Variants in SOX5 observed in about 807,000 individuals in gnomAD.
SOX5 encodes transcription factor SOX-5.
SOX5 carries 9 observed loss-of-function variants against 92.0 expected under a neutral mutation model. That is an observed-to-expected ratio of 0.10 (90% CI 0.06 to 0.17). SOX5 has a LOEUF of 0.17. Ranked by LOEUF, SOX5 falls within the 10% of genes least tolerant of loss-of-function variation. SOX5 has a pLI of 1.00. For missense variants in SOX5, 642 were observed against 944.5 expected, an observed-to-expected ratio of 0.68 and a Z score of 4.20; for synonymous variants, 344 against 336.3, an observed-to-expected ratio of 1.02 and a Z score of -0.25.
rs1190475832 is a variant in SOX5 at position 23,853,110 on chromosome 12, TTATATATATATATACA to T, written c.271-6933_271-6918del. Among the ~76,000 whole-genome samples the T allele has an allele frequency of 4.1e-5, 6 of 147,560 alleles. 1 individual carries two copies. The highest frequency in any genetic ancestry group is 9.0e-5 in the Non-Finnish European group (6 of 66,814). ...AGAAGAGTCAGCACACATGCAAAAA[TTATATATATATATACA>T]TATATATATATATACACACACATAT... On this transcript the variant is annotated intron_variant, in intron 2 of 14. Coordinates refer to ENST00000451604, the MANE Select transcript of SOX5 (RefSeq NM_006940.6).
chr12:23,933,510 G>A (rs896509815), intron 1 of SOX5, among the ~76,000 whole-genome samples: 1 of 151,596 alleles, frequency 6.6e-6, no homozygotes, highest in African/African-American at 2.4e-5. Context: ...AATAAATCAT[G>A]AGAAAGCATG....
chr12:23,582,589 A>G (rs1051102126), intron 9 of SOX5, among the ~76,000 whole-genome samples: 1 of 152,096 alleles, frequency 6.6e-6, no homozygotes, highest in Non-Finnish European at 1.5e-5. Flanking sequence ...TAGACTTACA[A>G]ATTGCAAAAT....
intron 10 of SOX5, among the ~76,000 whole-genome samples, chr12:23,564,270 T>C (rs138154716): frequency 2.6e-5 from 4 of 152,336 alleles, no homozygotes; most frequent in Non-Finnish European, 5.9e-5. Flanking sequence ...TGATGCATAT[T>C]AGTACGATGA....
chr12:23,776,193 A>T lies in SOX5; in HGVS notation c.482-20469T>A, dbSNP rs549457259. On this transcript the variant is annotated intron_variant, in intron 3 of 14. Coordinates refer to ENST00000451604, the MANE Select transcript of SOX5 (RefSeq NM_006940.6). ...TAGTGATAACATTTCCATTGAAAAC[A>T]TTATCTTTTTTTGACCAATTAAGTT... 2.6e-5 allele frequency among the ~76,000 whole-genome samples: 4 copies of T among 152,338 alleles called. No individual in the cohort carries two copies. In the East Asian group the frequency reaches 7.7e-4, roughly 29 times the overall value.
chr12:24,502,738 G>A (rs761308529), intron 1 of SOX5, among the ~76,000 whole-genome samples: 1 of 152,086 alleles, frequency 6.6e-6, no homozygotes, highest in East Asian at 1.9e-4. Context: ...GTAAATTTAC[G>A]GTGGGGAAAT....
At chr12:23,617,644 A>G (rs1191291277) in intron 8 of SOX5, among the ~76,000 whole-genome samples, 3 of 152,208 alleles carry the variant, frequency 2.0e-5, no homozygotes, top group Non-Finnish European at 4.4e-5. Flanking sequence ...TTAAATCTTA[A>G]GACCTTTTTC....
chr12:24,250,813 C>T (rs1284005075), intron 3 of SOX5, among the ~76,000 whole-genome samples: 2 of 152,126 alleles, frequency 1.3e-5, no homozygotes, highest in Admixed American at 6.6e-5. Flanking sequence ...TAAAATTAAA[C>T]GCCCTACCTT....
intron 4 of SOX5, among the ~76,000 whole-genome samples, chr12:23,998,232 C>T (rs1227670719): frequency 6.6e-6 from 1 of 151,706 alleles, no homozygotes; most frequent in Non-Finnish European, 1.5e-5. Context: ...AAACATACAT[C>T]AATACAAAGA....
intron 4 of SOX5, among the ~76,000 whole-genome samples, chr12:24,071,221 T>C (rs1440376411): frequency 6.6e-6 from 1 of 152,190 alleles, no homozygotes; most frequent in Non-Finnish European, 1.5e-5. Context: ...GCTTAAAAAT[T>C]AAATGCTCAC....
At chr12:23,625,118 T>C (rs1592695565) in intron 8 of SOX5, among the ~76,000 whole-genome samples, 1 of 152,214 alleles carries the variant, frequency 6.6e-6, no homozygotes, top group African/African-American at 2.4e-5. Flanking sequence ...AACGTAATGA[T>C]AGTAGACTCT....
At chr12:23,795,962 G>T (rs1350952386) in intron 3 of SOX5, among the ~76,000 whole-genome samples, 1 of 152,080 alleles carries the variant, frequency 6.6e-6, no homozygotes, top group Non-Finnish European at 1.5e-5. Flanking sequence ...GGGCGACAAG[G>T]TCAAGAAAAC....
At chr12:24,069,696 C>T in intron 4 of SOX5, among the ~76,000 whole-genome samples, 1 of 152,230 alleles carries the variant, frequency 6.6e-6, no homozygotes, top group East Asian at 1.9e-4. Context: ...GGGAGAACTT[C>T]TAGCATCCTA....
At position 23,970,841 on chromosome 12, in the gene SOX5, A is replaced by ATATATATATATATATATATATATTTTT; in HGVS notation, c.-1-74818_-1-74817insAAAAATATATATATATATATATATATA. 4.1e-3 allele frequency among the ~76,000 whole-genome samples: 90 copies of ATATATATATATATATATATATATTTTT among 21,838 alleles called. 13 individuals are homozygous for ATATATATATATATATATATATATTTTT. The highest frequency in any genetic ancestry group is 0.01 in the African/African-American group (84 of 8,002). The allele number at this position is 21,838 out of a possible 152,430, so 14.3% of individuals were successfully genotyped here. On this transcript the variant is annotated intron_variant, in intron 4 of 4. Transcript: ENST00000446891. ...ACATGGGACTTTATATATATATATA[A>ATATATATATATATATATATATATTTTT]TTTTTTTTTTTTTTTAAGAAATGGG...
chr12:23,816,140 C>T (rs1053586700), intron 3 of SOX5, among the ~76,000 whole-genome samples: 2 of 151,608 alleles, frequency 1.3e-5, no homozygotes, highest in South Asian at 2.1e-4. Context: ...GGCCTGTGGA[C>T]CCTATTTGCG....
chr12:23,624,305 A>C (rs1244695777), intron 8 of SOX5, among the ~76,000 whole-genome samples: 2 of 152,150 alleles, frequency 1.3e-5, no homozygotes, highest in African/African-American at 4.8e-5. Flanking sequence ...AATGCCACTG[A>C]ACTGTGTACA....
At chr12:24,066,844 C>A (rs1053955695) in intron 4 of SOX5, among the ~76,000 whole-genome samples, 6 of 152,196 alleles carry the variant, frequency 3.9e-5, no homozygotes, top group Non-Finnish European at 5.9e-5. Flanking sequence ...GTTGAACCAA[C>A]AAGATGAACA....
intron 4 of SOX5, among the ~76,000 whole-genome samples, chr12:24,108,363 A>C (rs970742801): frequency 2.0e-5 from 3 of 151,960 alleles, no homozygotes; most frequent in Non-Finnish European, 4.4e-5. Flanking sequence ...ATGCATCATC[A>C]TTACTGTCAT....
intron 2 of SOX5, among the ~76,000 whole-genome samples, chr12:24,304,443 A>AT (rs1948344923): frequency 1.3e-5 from 2 of 152,184 alleles, no homozygotes; most frequent in Non-Finnish European, 2.9e-5. Flanking sequence ...TCAGTGCTAT[A>AT]ATTCAGAAAT....
chr12:24,043,601 T>G (rs1231992306), intron 4 of SOX5, among the ~76,000 whole-genome samples: 1 of 152,212 alleles, frequency 6.6e-6, no homozygotes, highest in Non-Finnish European at 1.5e-5. Flanking sequence ...TCCCCCAAGT[T>G]CATCATGGGA....
Sources: allele counts gnomAD v4.1 joint callset (sites outside exome capture counted in the v4.1 genomes callset), GRCh38; gene constraint gnomAD v4.1.1; transcripts MANE v1.5; gene names NCBI Gene and HGNC (gene_info 2026-07-23, HGNC 2026-07-21).